The following CENPW variants were observed in gnomAD, a reference collection of about 807,000 sequenced individuals.
CENPW encodes the protein cancer-up-regulated gene 2 protein.
Under a neutral mutation model 11.1 loss-of-function variants are expected in CENPW, and 3 were observed. That is an observed-to-expected ratio of 0.27 (90% confidence interval 0.12 to 0.70). The LOEUF is 0.70. Among genes scored for constraint, CENPW ranks in the 30% least tolerant of loss-of-function variants. The probability of loss-of-function intolerance (pLI) is 0.77; values close to 1 mark genes in which losing one functional copy is unlikely to be tolerated. For missense variants in CENPW, 100 were observed against 105.6 expected, an observed-to-expected ratio of 0.95 and a Z score of 0.23; for synonymous variants, 38 against 42.0, an observed-to-expected ratio of 0.91 and a Z score of 0.37.
the CENPW span, among the ~76,000 whole-genome samples, chr6:126,421,768 TAACTC>T: frequency 7.2e-5 from 11 of 152,128 alleles, no homozygotes; most frequent in East Asian, 1.9e-4. Flanking sequence ...ATGCAATAGA[TAACTC>T]AAGTACAATG....
chr6:126,363,379 T>C, the CENPW span, among the ~76,000 whole-genome samples: 1 of 152,234 alleles, frequency 6.6e-6, no homozygotes, highest in African/African-American at 2.4e-5. Context: ...CTGCCTTCTT[T>C]TGAAAAATTG....
chr6:126,379,940 G>C, the CENPW span, among the ~76,000 whole-genome samples: 18 of 152,022 alleles, frequency 1.2e-4, no homozygotes, highest in Non-Finnish European at 2.4e-4. Context: ...CCCATAAATT[G>C]TCTGAAGCTT....
the CENPW span, among the ~76,000 whole-genome samples, chr6:126,444,477 C>T: frequency 6.6e-6 from 1 of 150,894 alleles, no homozygotes; most frequent in African/African-American, 2.4e-5. Flanking sequence ...CTATTCAAAT[C>T]CATTTATTTG....
chr6:126,443,065 TA>T, the CENPW span, among the ~76,000 whole-genome samples: 10 of 151,456 alleles, frequency 6.6e-5, no homozygotes, highest in South Asian at 2.1e-3. Flanking sequence ...TTATTTTTTC[TA>T]AGAAATGGAA....
At chr6:126,442,448 A>G in the CENPW span, among the ~76,000 whole-genome samples, 283 of 151,584 alleles carry the variant, frequency 1.9e-3, 2 homozygotes, top group African/African-American at 6.1e-3. Context: ...GAGTGGGAGA[A>G]AATCTTCACA....
the CENPW span, among the ~76,000 whole-genome samples, chr6:126,425,274 G>GA: frequency 6.6e-6 from 1 of 152,140 alleles, no homozygotes; most frequent in Admixed American, 6.6e-5. Context: ...TACTTGGCAG[G>GA]AAAAAAATTT....
chr6:126,412,542 T>C, the CENPW span, among the ~76,000 whole-genome samples: 1 of 152,142 alleles, frequency 6.6e-6, no homozygotes, highest in Non-Finnish European at 1.5e-5. Context: ...CTTGTATTTA[T>C]CCTACATGGA....
chr6:126,422,248 G>T, the CENPW span, among the ~76,000 whole-genome samples: 4 of 152,150 alleles, frequency 2.6e-5, no homozygotes, highest in African/African-American at 9.6e-5. Context: ...TGTTAACTCC[G>T]CAAGTAATCC....
At chr6:126,467,336 C>T in the CENPW span, among the ~76,000 whole-genome samples, 1 of 152,112 alleles carries the variant, frequency 6.6e-6, no homozygotes, top group Non-Finnish European at 1.5e-5. Context: ...AAAAACAAGG[C>T]TGCACACCTC....
the CENPW span, among the ~76,000 whole-genome samples, chr6:126,429,131 A>G: frequency 6.6e-6 from 1 of 152,068 alleles, no homozygotes; most frequent in African/African-American, 2.4e-5. Context: ...TAATGTCTTG[A>G]TTAATCTCTT....
chr6:126,473,325 AT>A, the CENPW span, among the ~76,000 whole-genome samples: 1 of 152,216 alleles, frequency 6.6e-6, no homozygotes, highest in African/African-American at 2.4e-5. Flanking sequence ...GTTTAGCTCT[AT>A]AAAAAATTGG....
chr6:126,399,759 C>T, the CENPW span, among the ~76,000 whole-genome samples: 5 of 151,838 alleles, frequency 3.3e-5, no homozygotes, highest in Non-Finnish European at 7.4e-5. Flanking sequence ...GAATTTTGAC[C>T]TATGTAATTA....
chr6:126,427,366 T>C, the CENPW span, among the ~76,000 whole-genome samples: 1 of 152,210 alleles, frequency 6.6e-6, no homozygotes, highest in Non-Finnish European at 1.5e-5. Context: ...CAAATCTCTT[T>C]GTTATGAAAG....
the CENPW span, among the ~76,000 whole-genome samples, chr6:126,467,569 T>G: frequency 6.6e-6 from 1 of 152,194 alleles, no homozygotes; most frequent in African/African-American, 2.4e-5. Flanking sequence ...CTCAACAAAG[T>G]ACATTGGATT....
the CENPW span, among the ~76,000 whole-genome samples, chr6:126,448,234 C>T: frequency 6.6e-6 from 1 of 150,878 alleles, no homozygotes; most frequent in Non-Finnish European, 1.5e-5. Flanking sequence ...GCGGTGCAGC[C>T]CAGCCATCTA....
the CENPW span, among the ~76,000 whole-genome samples, chr6:126,385,143 T>TA: frequency 1.3e-5 from 2 of 152,084 alleles, no homozygotes; most frequent in African/African-American, 4.8e-5. Flanking sequence ...AGGGAATACT[T>TA]ACACACTTCT....
chr6:126,386,275 A>T, the CENPW span, among the ~76,000 whole-genome samples: 1 of 152,072 alleles, frequency 6.6e-6, no homozygotes, highest in African/African-American at 2.4e-5. Flanking sequence ...CCTCAGTCAG[A>T]CTATTTACTG....
At chr6:126,412,273 C>T in the CENPW span, among the ~76,000 whole-genome samples, 14 of 151,712 alleles carry the variant, frequency 9.2e-5, no homozygotes, top group African/African-American at 2.9e-4. Flanking sequence ...CAGGCATGAA[C>T]GACCACAGCC....
chr6:126,374,558 G>C, the CENPW span, among the ~76,000 whole-genome samples: 1 of 152,182 alleles, frequency 6.6e-6, no homozygotes, highest in Non-Finnish European at 1.5e-5. Context: ...GTAGAGTACA[G>C]ATTTGTGGCA....
Sources: allele counts gnomAD v4.1 joint callset (sites outside exome capture counted in the v4.1 genomes callset), GRCh38; gene constraint gnomAD v4.1.1; transcripts MANE v1.5; gene names NCBI Gene and HGNC (gene_info 2026-07-23, HGNC 2026-07-21).